Variants in CCSER1 observed in about 807,000 individuals in gnomAD.
The protein encoded by CCSER1 is serine-rich coiled-coil domain-containing protein 1.
Under a neutral mutation model 82.0 loss-of-function variants are expected in CCSER1, and 41 were observed. The observed-to-expected ratio is 0.50, with a 90% confidence interval of 0.39 to 0.65. The LOEUF is 0.65. CCSER1 is among the 30% of genes least tolerant of loss of function. The probability of loss-of-function intolerance (pLI) is 0.00; values close to 1 mark genes in which losing one functional copy is unlikely to be tolerated. For missense variants in CCSER1, 1,119 were observed against 1,064.2 expected (o/e 1.05, Z -0.72); for synonymous variants, 414 against 383.9 (o/e 1.08, Z -0.92).
At chr4:91,177,688 A>G (rs571133172) in intron 10 of CCSER1, among the ~76,000 whole-genome samples, 1 of 152,110 alleles carries the variant, frequency 6.6e-6, no homozygotes, top group South Asian at 2.1e-4. Context: ...TTTTTAATAC[A>G]TCTATTTGAT....
intron 8 of CCSER1, among the ~76,000 whole-genome samples, chr4:90,853,271 C>T (rs979141055): frequency 6.6e-6 from 1 of 152,002 alleles, no homozygotes; most frequent in East Asian, 1.9e-4. Flanking sequence ...GCACAATACC[C>T]TTTAGAGATG....
intron 9 of CCSER1, among the ~76,000 whole-genome samples, chr4:91,067,620 C>G (rs1184774271): frequency 8.0e-6 from 1 of 124,912 alleles, no homozygotes; most frequent in African/African-American, 2.6e-5. Flanking sequence ...GCTGGGATTA[C>G]AGGTATGAGC....
At chr4:91,588,480 T>C (rs1465266815) in intron 10 of CCSER1, among the ~76,000 whole-genome samples, 1 of 151,796 alleles carries the variant, frequency 6.6e-6, no homozygotes, top group Non-Finnish European at 1.5e-5. Flanking sequence ...ATTCTGACCA[T>C]AACTTTTTGT....
intron 8 of CCSER1, among the ~76,000 whole-genome samples, chr4:90,843,021 A>G (rs536046527): frequency 6.6e-6 from 1 of 152,286 alleles, no homozygotes; most frequent in East Asian, 1.9e-4. Flanking sequence ...GAAGGGGATG[A>G]CATCTCTTGA....
intron 8 of CCSER1, among the ~76,000 whole-genome samples, chr4:90,864,624 T>G (rs1050598827): frequency 2.0e-5 from 3 of 151,984 alleles, no homozygotes; most frequent in African/African-American, 7.2e-5. Flanking sequence ...AATTACCCAG[T>G]TTGTGGTATT....
intron 10 of CCSER1, among the ~76,000 whole-genome samples, chr4:91,408,981 T>C (rs1046681537): frequency 1.3e-5 from 2 of 152,194 alleles, no homozygotes; most frequent in Non-Finnish European, 2.9e-5. Flanking sequence ...CTGTGTCTTT[T>C]CTTGGCACCT....
At chr4:90,715,160 T>G (rs918886652) in intron 6 of CCSER1, among the ~76,000 whole-genome samples, 2 of 151,996 alleles carry the variant, frequency 1.3e-5, no homozygotes, top group African/African-American at 4.8e-5. Flanking sequence ...ATAAATAGAT[T>G]ACCAATAATT....
chr4:90,391,665 A>C lies in CCSER1; in HGVS notation c.1510-8371A>C, dbSNP rs534519841. On this transcript the variant is annotated intron_variant, in intron 3 of 10. Transcript: ENST00000509176. ...TGGGTAATGAGTAGTGTGTAGAACA[A>C]ATTATAAATGAGAGTTGAGGAACTA... Among the ~76,000 whole-genome samples, 73 of 151,304 alleles carry C rather than the reference A, an allele frequency of 4.8e-4. 1 individual carries two copies. Among genetic ancestry groups the C allele is most frequent in the Non-Finnish European group, 1.6e-4 (11 of 67,784 alleles).
At chr4:91,396,819 T>G (rs1377430410) in intron 10 of CCSER1, among the ~76,000 whole-genome samples, 1 of 151,994 alleles carries the variant, frequency 6.6e-6, no homozygotes, top group Non-Finnish European at 1.5e-5. Flanking sequence ...TTAAAGCTTA[T>G]TACGAGTCAA....
At chr4:90,662,674 A>G (rs1731042435) in intron 6 of CCSER1, among the ~76,000 whole-genome samples, 1 of 152,178 alleles carries the variant, frequency 6.6e-6, no homozygotes, top group Non-Finnish European at 1.5e-5. Context: ...TAGCTAGGAT[A>G]TGTAATTTAG....
intron 5 of CCSER1, among the ~76,000 whole-genome samples, chr4:90,590,093 G>GT (rs1782511304): frequency 6.6e-6 from 1 of 152,058 alleles, no homozygotes; most frequent in African/African-American, 2.4e-5. Flanking sequence ...GGCCAACCTG[G>GT]AGAAACCCTG....
At chr4:90,850,000 C>A (rs1763671187) in intron 8 of CCSER1, among the ~76,000 whole-genome samples, 1 of 152,082 alleles carries the variant, frequency 6.6e-6, no homozygotes, top group African/African-American at 2.4e-5. Flanking sequence ...CACAGGGACA[C>A]CCTGCTCTGT....
At chr4:91,479,450 G>A (rs923224616) in intron 10 of CCSER1, among the ~76,000 whole-genome samples, 1 of 151,426 alleles carries the variant, frequency 6.6e-6, no homozygotes, top group Admixed American at 6.6e-5. Flanking sequence ...AACGTCACTA[G>A]AAGAATCACA....
intron 1 of CCSER1, among the ~76,000 whole-genome samples, chr4:90,266,683 A>G (rs1358973357): frequency 6.6e-6 from 1 of 152,116 alleles, no homozygotes; most frequent in African/African-American, 2.4e-5. Flanking sequence ...GTGAGCAATC[A>G]GGATTTTGCA....
At chr4:90,684,408 GC>G (rs1465409325) in intron 6 of CCSER1, among the ~76,000 whole-genome samples, 39 of 152,038 alleles carry the variant, frequency 2.6e-4, no homozygotes, top group African/African-American at 9.4e-4. Context: ...AAAATAACAT[GC>G]TATTCATTAT....
At chr4:90,620,273 G>T (rs1006848271) in intron 5 of CCSER1, among the ~76,000 whole-genome samples, 4 of 152,212 alleles carry the variant, frequency 2.6e-5, no homozygotes, top group African/African-American at 9.6e-5. Flanking sequence ...CCTATTAAGA[G>T]ATGATACAAT....
At chr4:91,078,986 C>A (rs2148793457) in intron 9 of CCSER1, among the ~76,000 whole-genome samples, 1 of 152,224 alleles carries the variant, frequency 6.6e-6, no homozygotes, top group African/African-American at 2.4e-5. Flanking sequence ...AGAATGGAAC[C>A]AAGTTGGAAA....
chr4:90,401,540 T>C (rs930186815), intron 4 of CCSER1, among the ~76,000 whole-genome samples: 14 of 152,176 alleles, frequency 9.2e-5, no homozygotes, highest in Admixed American at 5.2e-4. Context: ...TTGTTTTTGT[T>C]TTGTTTTGTT....
intron 10 of CCSER1, among the ~76,000 whole-genome samples, chr4:91,366,469 T>C (rs1749622876): frequency 6.6e-6 from 1 of 152,226 alleles, no homozygotes; most frequent in African/African-American, 2.4e-5. Flanking sequence ...AAAATAGTCA[T>C]AATTTTTAAT....
Sources: gnomAD v4.1 joint callset for allele counts (sites outside exome capture counted in the v4.1 genomes callset) on GRCh38, gnomAD v4.1.1 for gene constraint, MANE v1.5 for transcripts, NCBI Gene and HGNC (gene_info 2026-07-23, HGNC 2026-07-21) for gene names.